The following GAS6 variants were observed in gnomAD, a reference collection of about 807,000 sequenced individuals.
GAS6 encodes the protein growth arrest-specific protein 6.
Under a neutral mutation model 75.8 loss-of-function variants are expected in GAS6, and 41 were observed. The ratio of observed to expected loss-of-function variants is 0.54; its 90% CI spans 0.42 to 0.70. The LOEUF (loss-of-function observed/expected upper bound fraction) is 0.70. GAS6 is among the 30% of genes least tolerant of loss of function. The pLI is 0.00. For missense variants in GAS6, 854 were observed against 940.2 expected (o/e 0.91, Z 1.20); for synonymous variants, 432 against 412.6 (o/e 1.05, Z -0.57).
chr13:113,831,505 T>TGGC (rs1167739213), intron 10 of GAS6, among the ~76,000 whole-genome samples: 1 of 152,062 alleles, frequency 6.6e-6, no homozygotes, highest in African/African-American at 2.4e-5. Flanking sequence ...CAAGCAGCCC[T>TGGC]GGCTTCTGTT....
rs528591365 is a variant in GAS6 at position 113,842,730 on chromosome 13, T to C, written c.344-2880A>G. The C allele has an allele frequency of 4.6e-4, 182 of 396,910 alleles. 3 individuals are homozygous for C. The Middle Eastern group carries it at 8.2e-3, about 18-fold the overall frequency. The allele number at this position is 396,910 out of a possible 1,614,324, so 24.6% of individuals were successfully genotyped here. On this transcript the variant is annotated intron_variant, in intron 4 of 14. Transcript: ENST00000327773. Reference sequence around the variant, plus strand: ...CTGACCTCCTCAGAGGCCCCCACCATGGAGGGATGTCTGGGGGATGCTGTG... The same window carrying C: ...CTGACCTCCTCAGAGGCCCCCACCACGGAGGGATGTCTGGGGGATGCTGTG...
chr13:113,846,999 C>T (rs2051839148), intron 3 of GAS6: 1 of 506,196 alleles, frequency 2.0e-6, no homozygotes, highest in Admixed American at 2.0e-5. Context: ...AAAGCCCCTC[C>T]ATGCTCTCTG....
intron 8 of GAS6, among the ~76,000 whole-genome samples, chr13:113,833,926 C>T (rs894812604): frequency 6.8e-6 from 1 of 147,360 alleles, no homozygotes; most frequent in African/African-American, 2.5e-5. Context: ...GTGTGACAGG[C>T]ACCAGTGTGA....
rs1594206450 is a variant in GAS6 at position 113,848,157 on chromosome 13, A to C, written c.256-107T>G. On this transcript the variant is annotated intron_variant, in intron 2 of 14. Transcript: ENST00000327773. The surrounding 1 kb of genome is among the most constrained non-coding windows in gnomAD (Gnocchi z 4.8). ...ATCAGAGGCTGCTCTCGGGGCAGCC[A>C]GAGGGCCGCCCCACCCGGGGAACTG... 1 of 1,210,724 alleles carries C rather than the reference A, an allele frequency of 8.3e-7. No individual in the cohort carries two copies. The highest frequency in any genetic ancestry group is 1.2e-6 in the Non-Finnish European group (1 of 841,042). 75.0% of individuals were successfully genotyped at this position (1,210,724 alleles called of 1,614,324 possible). A position where few individuals can be genotyped will look rare whatever the true frequency, so the allele number is the denominator to read the frequency against.
At chr13:113,849,452 G>A (rs1196047425) in intron 2 of GAS6, among the ~76,000 whole-genome samples, 1 of 152,124 alleles carries the variant, frequency 6.6e-6, no homozygotes, top group Non-Finnish European at 1.5e-5. Flanking sequence ...GGAAGGAGAA[G>A]GGAAGTGATG....
chr13:113,862,943 G>T (rs1301416224), intron 2 of GAS6, among the ~76,000 whole-genome samples: 2 of 152,126 alleles, frequency 1.3e-5, no homozygotes, highest in Non-Finnish European at 2.9e-5. Flanking sequence ...CGGCTCCTGC[G>T]GGAGGCGGCC....
chr13:113,843,193 G>A (rs534235937), intron 4 of GAS6: 1 of 236,758 alleles, frequency 4.2e-6, no homozygotes, highest in East Asian at 7.6e-5. Context: ...CCACCTCCCT[G>A]ATCCCCATCC....
At chr13:113,821,299 G>C in intron 14 of GAS6, 1 of 483,942 alleles carries the variant, frequency 2.1e-6, no homozygotes, top group South Asian at 2.8e-5. Context: ...TCTGTGCCCA[G>C]TGAGTCATTC....
At chr13:113,842,952 A>G (rs7320583) in intron 4 of GAS6, 109,280 of 395,868 alleles carry the variant, frequency 0.28, 16,988 homozygotes, top group South Asian at 0.4. Flanking sequence ...GACTCATGCC[A>G]CCTGCCCCGG....
At chr13:113,825,607 G>A (rs1353069673) in intron 12 of GAS6, among the ~76,000 whole-genome samples, 5 of 152,204 alleles carry the variant, frequency 3.3e-5, no homozygotes, top group Non-Finnish European at 5.9e-5. Context: ...GCCTGCATAA[G>A]GTTACCCCTG....
At chr13:113,856,761 C>T (rs1352277454) in intron 2 of GAS6, among the ~76,000 whole-genome samples, 3 of 152,230 alleles carry the variant, frequency 2.0e-5, no homozygotes, top group East Asian at 1.9e-4. Context: ...AAGCCCACTG[C>T]GCCTCCCTGA....
chr13:113,830,058 C>T (rs754569545), intron 10 of GAS6, among the ~76,000 whole-genome samples: 16 of 152,284 alleles, frequency 1.1e-4, no homozygotes, highest in South Asian at 2.1e-4. Flanking sequence ...GCCCTCGATG[C>T]ATCAATGTGG....
At chr13:113,842,287 G>T in intron 4 of GAS6, 1 of 260,266 alleles carries the variant, frequency 3.8e-6, no homozygotes, top group East Asian at 6.4e-5. Context: ...GAACACTTGT[G>T]GGTGTGGACG....
In GAS6 at chr13:113,837,748, TA is replaced by T. The variant is rs2051732081; in HGVS notation, c.589+320del. 6.6e-6 allele frequency among the ~76,000 whole-genome samples: 1 copy of T among 152,066 alleles called. No individual in the cohort carries two copies. Among genetic ancestry groups the T allele is most frequent in the South Asian group, 2.1e-4 (1 of 4,814 alleles). On this transcript the variant is annotated intron_variant, in intron 6 of 14. Transcript: ENST00000327773. The surrounding 1 kb of genome is among the most constrained non-coding windows in gnomAD (Gnocchi z 5.1). Reference sequence around the variant, plus strand: ...CTGGAGCCCTGACCCACAAGCTCACTACACAAGTGCCTGGAGCACTTCCAGG... The same window carrying T: ...CTGGAGCCCTGACCCACAAGCTCACTCACAAGTGCCTGGAGCACTTCCAGG...
At chr13:113,846,383 T>G (rs999457153) in intron 4 of GAS6, 144 bp downstream of exon 4, 1 of 604,350 alleles carries the variant, frequency 1.7e-6, no homozygotes, top group Non-Finnish European at 2.9e-6. Flanking sequence ...AAAAGAAAGT[T>G]TGGCGAAAAG....
At chr13:113,841,178 G>GC (rs2051771193) in intron 4 of GAS6, 2 of 152,384 alleles carry the variant, frequency 1.3e-5, no homozygotes, top group African/African-American at 2.4e-5. Context: ...GGTCAGGGGT[G>GC]CCCGGTGCCA....
chr13:113,832,849 C>T (rs765064867), intron 8 of GAS6, 97 bp from the exon 9 acceptor site: 2 of 1,587,358 alleles, frequency 1.3e-6, no homozygotes, highest in Admixed American at 1.7e-5. Context: ...CACTGTCCCT[C>T]CTGTGCCTCG....
At position 113,843,177 on chromosome 13, in the gene GAS6, C is replaced by T. The variant is rs1175962164; in HGVS notation, c.344-3327G>A. 6 of 256,172 alleles carry T rather than the reference C, an allele frequency of 2.3e-5. No individual in the cohort carries two copies. The East Asian group carries it at 3.3e-4, about 14-fold the overall frequency. The allele number at this position is 256,172 out of a possible 1,614,324, so 15.9% of individuals were successfully genotyped here. ...CCCTGACCCCGTCCACCTCCCTGACCCCCGCCCACCTCCCTGATCCCCATC... is the reference window on the plus strand; with the variant it reads ...CCCTGACCCCGTCCACCTCCCTGACTCCCGCCCACCTCCCTGATCCCCATC... On this transcript the variant is annotated intron_variant, in intron 4 of 14. Coordinates refer to ENST00000327773, the MANE Select transcript of GAS6 (RefSeq NM_000820.4).
rs759722080 is a variant in GAS6, at chr13:113,823,573, T to A, written c.1478-23A>T. 3 of 1,596,258 alleles carry A rather than the reference T, an allele frequency of 1.9e-6. 1 individual carries two copies. In the South Asian group the frequency reaches 3.4e-5, roughly 18 times the overall value. On this transcript the variant is annotated intron_variant, in intron 12 of 14. Coordinates refer to ENST00000327773, the MANE Select transcript of GAS6 (RefSeq NM_000820.4). ...GCACTGCAATGAAAGCGGTGCATTA[T>A]AGGGTGGTATGCACGGTGGAGAGGC...
Sources: gnomAD v4.1 joint callset for allele counts (sites outside exome capture counted in the v4.1 genomes callset) on GRCh38, gnomAD v4.1.1 for gene constraint, Gnocchi (gnomAD v3.1) non-coding constraint, MANE v1.5 for transcripts, NCBI Gene and HGNC (gene_info 2026-07-23, HGNC 2026-07-21) for gene names.